The following SKAP1 variants were observed in gnomAD, a reference collection of about 807,000 sequenced individuals.
The protein encoded by SKAP1 is src kinase associated phosphoprotein 1, also known as src kinase-associated phosphoprotein 1.
A neutral mutation model predicts 58.5 loss-of-function variants in SKAP1; 44 were observed. The ratio of observed to expected loss-of-function variants is 0.75; its 90% CI spans 0.59 to 0.97. SKAP1 has a LOEUF of 0.97. Among genes scored for constraint, SKAP1 ranks in the 50% least tolerant of loss-of-function variants. SKAP1 has a pLI of 0.00. For synonymous variants in SKAP1, 127 were observed against 149.7 expected (o/e 0.85, Z 1.11); for missense variants, 390 against 435.2 (o/e 0.90, Z 0.92).
In SKAP1 at chr17:48,234,025, C is replaced by G. The variant is rs563873248; in HGVS notation, c.281-44525G>C. ...TCTATAACTAGCAATTTAATAAGTA[C>G]ATGACTTCTTACTCAAGTGCATTTA... On this transcript the variant is annotated intron_variant, in intron 4 of 12. Transcript: ENST00000336915. Among the ~76,000 whole-genome samples, 11 of 152,318 alleles carry G rather than the reference C, an allele frequency of 7.2e-5. No homozygotes were observed. In the South Asian group the frequency reaches 2.1e-3, roughly 29 times the overall value.
chr17:48,440,098 G>A, the SKAP1 span, among the ~76,000 whole-genome samples: 1 of 152,206 alleles, frequency 6.6e-6, no homozygotes, highest in Non-Finnish European at 1.5e-5. Flanking sequence ...CTGCGACTTT[G>A]CCTTTAAATA....
chr17:48,224,038 A>AAGGAGGAGG (rs1283982367), intron 4 of SKAP1, among the ~76,000 whole-genome samples: 12 of 52,442 alleles, frequency 2.3e-4, no homozygotes, highest in East Asian at 6.8e-4. Flanking sequence ...GAGAGAGAAG[A>AAGGAGGAGG]AGGAGGAGGA....
At chr17:48,418,972 G>A (rs955915556) in intron 1 of SKAP1, among the ~76,000 whole-genome samples, 2 of 152,130 alleles carry the variant, frequency 1.3e-5, no homozygotes, top group Admixed American at 1.3e-4. Flanking sequence ...TTGATCTGGG[G>A]AGTGGTCACA....
chr17:48,430,250 G>T (rs2067901949), upstream of SKAP1: 1 of 399,336 alleles, frequency 2.5e-6, no homozygotes, highest in Non-Finnish European at 3.6e-6. Context: ...CAGCCCGGCC[G>T]CGGGGCGGGG....
intron 9 of SKAP1, among the ~76,000 whole-genome samples, chr17:48,171,439 C>T (rs890129925): frequency 1.3e-5 from 2 of 152,066 alleles, no homozygotes; most frequent in African/African-American, 4.8e-5. Flanking sequence ...ATTAATTTGT[C>T]ACCTTCAAAC....
intron 1 of SKAP1, among the ~76,000 whole-genome samples, chr17:48,402,991 T>C (rs1817692517): frequency 6.6e-6 from 1 of 152,166 alleles, no homozygotes; most frequent in African/African-American, 2.4e-5. Context: ...TGGTGATAGT[T>C]ACACAATTCT....
Position 48,312,087 on chromosome 17 carries a change from A to T in SKAP1, c.280+33818T>A, listed in dbSNP as rs543560101. 2.6e-5 allele frequency among the ~76,000 whole-genome samples: 4 copies of T among 152,354 alleles called. No individual in the cohort carries two copies. In the South Asian group the frequency reaches 8.3e-4, roughly 32 times the overall value. On this transcript the variant is annotated intron_variant, in intron 4 of 12. Transcript: ENST00000336915. ...AGTACTTCTGTATTCTGTTACATGAATCACATTTAACATTAACATACGATT... is the reference window on the plus strand; with the variant it reads ...AGTACTTCTGTATTCTGTTACATGATTCACATTTAACATTAACATACGATT...
intron 4 of SKAP1, among the ~76,000 whole-genome samples, chr17:48,298,681 T>C (rs1307727830): frequency 6.6e-6 from 1 of 152,196 alleles, no homozygotes; most frequent in Non-Finnish European, 1.5e-5. Context: ...TGAGATCCTG[T>C]TTTCATGAAA....
chr17:48,223,915 T>C (rs2065033138), intron 4 of SKAP1, among the ~76,000 whole-genome samples: 1 of 151,770 alleles, frequency 6.6e-6, no homozygotes, highest in African/African-American at 2.4e-5. Flanking sequence ...TAAAAAAGTA[T>C]ATAGGTACCA....
intron 11 of SKAP1, among the ~76,000 whole-genome samples, chr17:48,159,130 G>A (rs2064033737): frequency 6.6e-6 from 1 of 152,152 alleles, no homozygotes; most frequent in Non-Finnish European, 1.5e-5. Flanking sequence ...GAGAGAGAGG[G>A]GGAAACCAGA....
upstream of SKAP1, among the ~76,000 whole-genome samples, chr17:48,432,009 T>TG (rs1305284357): frequency 6.6e-6 from 1 of 152,144 alleles, no homozygotes; most frequent in Non-Finnish European, 1.5e-5. Context: ...AAAGCAGTGG[T>TG]GCATTGGTTT....
At chr17:48,265,104 T>C (rs1006727542) in intron 4 of SKAP1, among the ~76,000 whole-genome samples, 8 of 152,152 alleles carry the variant, frequency 5.3e-5, no homozygotes, top group Non-Finnish European at 1.0e-4. Flanking sequence ...TGTGGTGGGA[T>C]TTAATGAATT....
At chr17:48,402,567 C>T (rs926757232) in intron 1 of SKAP1, among the ~76,000 whole-genome samples, 1 of 152,098 alleles carries the variant, frequency 6.6e-6, no homozygotes, top group African/African-American at 2.4e-5. Flanking sequence ...TAGACTCAAG[C>T]AAACTGCCTG....
intron 4 of SKAP1, among the ~76,000 whole-genome samples, chr17:48,263,898 C>T (rs981126687): frequency 6.6e-6 from 1 of 152,096 alleles, no homozygotes; most frequent in Non-Finnish European, 1.5e-5. Context: ...CACCACTCTG[C>T]GTTTGCACAG....
At chr17:48,212,456 A>G (rs548699310) in intron 4 of SKAP1, among the ~76,000 whole-genome samples, 2 of 152,332 alleles carry the variant, frequency 1.3e-5, no homozygotes, top group East Asian at 1.9e-4. Context: ...AGAACAACAT[A>G]TAAGACCACT....
At chr17:48,222,918 G>A (rs1343582834) in intron 4 of SKAP1, among the ~76,000 whole-genome samples, 1 of 151,132 alleles carries the variant, frequency 6.6e-6, no homozygotes, top group Non-Finnish European at 1.5e-5. Context: ...ACAAAAATTA[G>A]CTGGGCGTGG....
intron 4 of SKAP1, among the ~76,000 whole-genome samples, chr17:48,289,307 G>T (rs2065871972): frequency 6.6e-6 from 1 of 151,558 alleles, no homozygotes; most frequent in Non-Finnish European, 1.5e-5. Context: ...TATGAAATTT[G>T]GTATATTTGG....
chr17:48,348,366 A>G (rs1364196550), intron 3 of SKAP1, among the ~76,000 whole-genome samples: 2 of 151,408 alleles, frequency 1.3e-5, no homozygotes, highest in Non-Finnish European at 2.9e-5. Flanking sequence ...GAAAAGAAAG[A>G]AAAGAAGAAA....
At chr17:48,386,136 T>C (rs1371652753) in intron 2 of SKAP1, among the ~76,000 whole-genome samples, 1 of 152,120 alleles carries the variant, frequency 6.6e-6, no homozygotes, top group Non-Finnish European at 1.5e-5. Context: ...TCCTTATTTC[T>C]AGGAAAGAAT....
Sources: gnomAD v4.1 joint callset for allele counts (sites outside exome capture counted in the v4.1 genomes callset) on GRCh38, gnomAD v4.1.1 for gene constraint, MANE v1.5 for transcripts, NCBI Gene and HGNC (gene_info 2026-07-23, HGNC 2026-07-21) for gene names.